TNNI3K: variants seen among roughly 807,000 people sequenced by gnomAD.
TNNI3K encodes TNNI3 interacting kinase.
In TNNI3K, 140 loss-of-function variants were observed where a neutral mutation model predicts 114.5. The ratio of observed to expected loss-of-function variants is 1.22; its 90% CI spans 1.07 to 1.41. The LOEUF (loss-of-function observed/expected upper bound fraction) is 1.41. Among genes scored for constraint, TNNI3K ranks in the 40% most tolerant of loss-of-function variants. TNNI3K has a pLI of 0.00. For synonymous variants in TNNI3K, 347 were observed against 347.5 expected (o/e 1.00, Z 0.02); for missense variants, 1,125 against 1,007.6 (o/e 1.12, Z -1.58).
At chr1:74,498,969 C>T (rs1173280376) in intron 23 of TNNI3K, among the ~76,000 whole-genome samples, 1 of 152,120 alleles carries the variant, frequency 6.6e-6, no homozygotes, top group Admixed American at 6.5e-5. Flanking sequence ...AAAAGCAAAA[C>T]ATAATATTCT....
intron 21 of TNNI3K, among the ~76,000 whole-genome samples, chr1:74,466,075 T>C (rs988275129): frequency 3.3e-5 from 5 of 152,164 alleles, no homozygotes; most frequent in African/African-American, 9.7e-5. Context: ...GCTTCACTCC[T>C]GAAGTCAGCA....
intron 17 of TNNI3K, among the ~76,000 whole-genome samples, chr1:74,404,797 AC>A (rs1664536873): frequency 6.6e-6 from 1 of 152,160 alleles, no homozygotes; most frequent in South Asian, 2.1e-4. Context: ...TTTATAGACC[AC>A]TATAATCCTG....
intron 17 of TNNI3K, among the ~76,000 whole-genome samples, chr1:74,395,874 A>G (rs1664050424): frequency 6.6e-6 from 1 of 152,128 alleles, no homozygotes; most frequent in African/African-American, 2.4e-5. Context: ...AGATGATAAA[A>G]TATTGCTGTT....
intron 21 of TNNI3K, among the ~76,000 whole-genome samples, chr1:74,466,621 C>A (rs1462273175): frequency 6.6e-6 from 1 of 152,184 alleles, no homozygotes; most frequent in Non-Finnish European, 1.5e-5. Flanking sequence ...CTTCAGCTGG[C>A]TTGAGATATG....
intron 19 of TNNI3K, 94 bp from the exon 20 acceptor site, chr1:74,439,396 A>C (rs1392757656): frequency 1.3e-6 from 2 of 1,530,222 alleles, no homozygotes; most frequent in Non-Finnish European, 1.8e-6. Flanking sequence ...GAGCATCGGG[A>C]GAACACAGTA....
chr1:74,518,965 C>T (rs1163618320), intron 23 of TNNI3K, among the ~76,000 whole-genome samples: 3 of 102,524 alleles, frequency 2.9e-5, no homozygotes, highest in Non-Finnish European at 5.1e-5. Flanking sequence ...ATGTGCCATG[C>T]TGGTGCGCTG....
chr1:74,461,046 C>G lies in TNNI3K; in HGVS notation c.2012-2395C>G, dbSNP rs192493931. On this transcript the variant is annotated intron_variant, in intron 20 of 24. Coordinates refer to ENST00000326637, the MANE Select transcript of TNNI3K (RefSeq NM_015978.3). ...AACTATTTTAAATGTGCTCACCATACTGGCTTATGTACTTACAGCTACACC... is the reference window on the plus strand; with the variant it reads ...AACTATTTTAAATGTGCTCACCATAGTGGCTTATGTACTTACAGCTACACC... Among the ~76,000 whole-genome samples the G allele has an allele frequency of 5.7e-3, 862 of 151,978 alleles. 6 individuals carry two copies. Among genetic ancestry groups the G allele is most frequent in the Admixed American group, 0.011 (174 of 15,302 alleles).
At chr1:74,541,036 T>C (rs7514705) in intron 24 of TNNI3K, among the ~76,000 whole-genome samples, 61,986 of 152,086 alleles carry the variant, frequency 0.41, 14,996 homozygotes, top group Non-Finnish European at 0.56. Context: ...AGAGGCACTA[T>C]GTTTAATTGG....
chr1:74,354,768 T>G (rs1477262764), intron 11 of TNNI3K, among the ~76,000 whole-genome samples: 2 of 152,292 alleles, frequency 1.3e-5, no homozygotes, highest in Middle Eastern at 6.8e-3. Flanking sequence ...AATTCTACTT[T>G]ATAAGATTGT....
At chr1:74,501,021 G>GA (rs1467215149) in intron 23 of TNNI3K, among the ~76,000 whole-genome samples, 1 of 151,972 alleles carries the variant, frequency 6.6e-6, no homozygotes, top group Admixed American at 6.5e-5. Context: ...CATAAACTCT[G>GA]GATAATCCTC....
rs552649832 is a variant in TNNI3K at position 74,421,825 on chromosome 1, A to T, written c.1773-14255A>T. 4.5e-4 allele frequency among the ~76,000 whole-genome samples: 69 copies of T among 152,104 alleles called. 1 individual carries two copies. Among genetic ancestry groups the T allele is most frequent in the Non-Finnish European group, 9.1e-4 (62 of 67,972 alleles). ...CCACCCTCAGCACTCTTAACATGGA[A>T]TGGCCTCCTGGTCACCAAACTCCCA... On this transcript the variant is annotated intron_variant, in intron 17 of 24. Transcript: ENST00000326637.
At chr1:74,376,157 G>A (rs1384048272) in intron 17 of TNNI3K, among the ~76,000 whole-genome samples, 1 of 151,908 alleles carries the variant, frequency 6.6e-6, no homozygotes, top group Admixed American at 6.6e-5. Context: ...CTCAAATAGT[G>A]AAGATTTTAG....
intron 2 of TNNI3K, among the ~76,000 whole-genome samples, chr1:74,242,058 C>A (rs933835391): frequency 5.3e-5 from 8 of 152,074 alleles, no homozygotes; most frequent in Non-Finnish European, 1.2e-4. Flanking sequence ...ACTGTGTTAG[C>A]CAGGATGGTC....
At chr1:74,286,241 G>A (rs1478724766) in intron 5 of TNNI3K, among the ~76,000 whole-genome samples, 3 of 152,148 alleles carry the variant, frequency 2.0e-5, no homozygotes, top group Non-Finnish European at 4.4e-5. Flanking sequence ...CTACCCCAGT[G>A]GATTCCAGAA....
chr1:74,474,011 C>T (rs565347150), intron 21 of TNNI3K, among the ~76,000 whole-genome samples: 3 of 152,024 alleles, frequency 2.0e-5, no homozygotes, highest in Non-Finnish European at 2.9e-5. Context: ...CCTCAAATAC[C>T]TGCCCTCTCT....
chr1:74,336,564 T>G (rs1022791700), intron 7 of TNNI3K, among the ~76,000 whole-genome samples: 1 of 145,716 alleles, frequency 6.9e-6, no homozygotes. Context: ...TGTGATCTCA[T>G]TGTTCAATTC....
chr1:74,387,604 T>C (rs531191834), intron 17 of TNNI3K, among the ~76,000 whole-genome samples: 1 of 152,282 alleles, frequency 6.6e-6, no homozygotes, highest in African/African-American at 2.4e-5. Context: ...TGGTCAACAA[T>C]ACAGAGATTA....
intron 2 of TNNI3K, among the ~76,000 whole-genome samples, chr1:74,242,329 T>C (rs1169287499): frequency 1.3e-5 from 2 of 152,168 alleles, no homozygotes; most frequent in East Asian, 3.8e-4. Context: ...TCACAATGTA[T>C]AGAGGAAATA....
intron 23 of TNNI3K, among the ~76,000 whole-genome samples, chr1:74,519,075 T>C (rs1312729097): frequency 1.1e-5 from 1 of 92,088 alleles, no homozygotes; most frequent in Non-Finnish European, 2.0e-5. Context: ...ATATTCCCCT[T>C]CCTGTGTCCA....
Sources: gnomAD v4.1 joint callset for allele counts (sites outside exome capture counted in the v4.1 genomes callset) on GRCh38, gnomAD v4.1.1 for gene constraint, MANE v1.5 for transcripts, NCBI Gene and HGNC (gene_info 2026-07-23, HGNC 2026-07-21) for gene names.